IGF1R: variants seen among roughly 807,000 people sequenced by gnomAD.
The protein encoded by IGF1R is insulin like growth factor 1 receptor, also known as insulin-like growth factor 1 receptor.
A neutral mutation model predicts 144.6 loss-of-function variants in IGF1R; 44 were observed. The observed-to-expected ratio is 0.30, with a 90% CI of 0.24 to 0.39. The LOEUF is 0.39. IGF1R is among the 10% of genes least tolerant of loss of function. The pLI is 1.00. For missense variants in IGF1R, 1,355 were observed against 1,833.7 expected (o/e 0.74, Z 4.77); for synonymous variants, 795 against 722.8 (o/e 1.10, Z -1.60).
At chr15:98,919,865 C>T (rs1258823464) in intron 10 of IGF1R, among the ~76,000 whole-genome samples, 2 of 152,062 alleles carry the variant, frequency 1.3e-5, no homozygotes, top group Non-Finnish European at 2.9e-5. Flanking sequence ...GTGGATTGTC[C>T]GAAAATGGAT....
At chr15:98,918,794 G>T (rs189924568) in intron 10 of IGF1R, among the ~76,000 whole-genome samples, 101 of 152,240 alleles carry the variant, frequency 6.6e-4, no homozygotes, top group African/African-American at 2.4e-3. Flanking sequence ...CAGGATAATC[G>T]CTTGAACCCG....
At chr15:98,915,065 C>G (rs1437110774) in intron 8 of IGF1R, among the ~76,000 whole-genome samples, 6 of 152,172 alleles carry the variant, frequency 3.9e-5, no homozygotes, top group African/African-American at 1.4e-4. Context: ...CTTAGGCAAA[C>G]ATATTGCTTA....
chr15:98,664,924 GT>G (rs985916035), intron 1 of IGF1R, among the ~76,000 whole-genome samples: 4 of 143,742 alleles, frequency 2.8e-5, no homozygotes, highest in African/African-American at 7.7e-5. Flanking sequence ...TACATTTGCC[GT>G]TTTTTTTTGA....
intron 2 of IGF1R, among the ~76,000 whole-genome samples, chr15:98,763,690 C>A (rs1386634751): frequency 6.6e-6 from 1 of 152,168 alleles, no homozygotes; most frequent in Non-Finnish European, 1.5e-5. Flanking sequence ...TCCCTTGTTA[C>A]AACTGGGTTA....
chr15:98,847,628 C>T (rs183845646), intron 2 of IGF1R, among the ~76,000 whole-genome samples: 26 of 152,286 alleles, frequency 1.7e-4, no homozygotes, highest in Admixed American at 3.9e-4. Flanking sequence ...TTTTGAAATT[C>T]GATGACATTA....
chr15:98,948,126 C>G (rs1393268853), intron 19 of IGF1R, among the ~76,000 whole-genome samples: 1 of 152,236 alleles, frequency 6.6e-6, no homozygotes, highest in African/African-American at 2.4e-5. Flanking sequence ...TAAAGCTTGA[C>G]TGTCCCAGGC....
Position 98,960,847 on chromosome 15 carries a change from T to C in IGF1R, c.*3405T>C. 1 of 233,826 alleles carries C rather than the reference T, an allele frequency of 4.3e-6. No homozygotes were observed. Among genetic ancestry groups the C allele is most frequent in the Non-Finnish European group, 8.5e-6 (1 of 118,166 alleles). 14.5% of individuals were successfully genotyped at this position (233,826 alleles called of 1,614,324 possible). On this transcript the variant is annotated 3_prime_UTR_variant, in exon 21 of 21. Coordinates refer to ENST00000650285, the MANE Select transcript of IGF1R (RefSeq NM_000875.5). ...CTCCTTCCCTAGGGGTAGACAGAGA[T>C]GTACCAAACCTTCCGGCTGGAAAGC...
Position 98,707,551 on chromosome 15 carries a change from T to C in IGF1R, c.95-11T>C, listed in dbSNP as rs1189140010. 1 of 1,613,946 alleles carries C rather than the reference T, an allele frequency of 6.2e-7. No individual in the cohort carries two copies. The highest frequency in any genetic ancestry group is 8.5e-7 in the Non-Finnish European group (1 of 1,179,876). ...TCTAACTGAGACGTTTACCCTCTTG[T>C]CTCCCTTCAGTCTGCGGGCCAGGCA... On this transcript the variant is annotated splice_polypyrimidine_tract_variant and intron_variant, in intron 1 of 20. Coordinates refer to ENST00000650285, the MANE Select transcript of IGF1R (RefSeq NM_000875.5). This position sits in a 1 kb window ranked among gnomAD's most constrained non-coding sequence, Gnocchi z 6.7.
chr15:98,866,959 G>A (rs1200256225), intron 2 of IGF1R, among the ~76,000 whole-genome samples: 1 of 152,214 alleles, frequency 6.6e-6, no homozygotes, highest in Non-Finnish European at 1.5e-5. Flanking sequence ...GTCTGGCCAA[G>A]CACCATTGCT....
rs902872154 is a variant in IGF1R, at chr15:98,961,866, GTTTC to G, written c.*4427_*4430del. The G allele has an allele frequency of 5.1e-5, 12 of 233,228 alleles. No individual in the cohort carries two copies. Among genetic ancestry groups the G allele is most frequent in the Middle Eastern group, 1.2e-3 (1 of 808 alleles). The allele number at this position is 233,228 out of a possible 1,614,324, so 14.4% of individuals were successfully genotyped here. ...TGGCCGACCTGGCCTCTCCTGGCCT[GTTTC>G]TTAAGATGCGGAGTCACATTTCAAT... On this transcript the variant is annotated 3_prime_UTR_variant, in exon 21 of 21. Transcript: ENST00000650285.
chr15:98,910,170 A>G (rs545762041), intron 6 of IGF1R, among the ~76,000 whole-genome samples: 1 of 152,302 alleles, frequency 6.6e-6, no homozygotes, highest in East Asian at 1.9e-4. Context: ...AGGGCTGAAC[A>G]GCAGGCTGAC....
intron 2 of IGF1R, among the ~76,000 whole-genome samples, chr15:98,887,523 G>C (rs1341087530): frequency 6.6e-6 from 1 of 152,150 alleles, no homozygotes; most frequent in Non-Finnish European, 1.5e-5. Flanking sequence ...AAGGGATTCT[G>C]CAAGTAGATG....
intron 2 of IGF1R, among the ~76,000 whole-genome samples, chr15:98,811,665 G>T (rs1409358924): frequency 6.6e-6 from 1 of 152,006 alleles, no homozygotes; most frequent in Non-Finnish European, 1.5e-5. Flanking sequence ...GGTGGCTGAC[G>T]CCTGTAATCC....
chr15:98,683,096 G>A (rs1487155171), intron 1 of IGF1R, among the ~76,000 whole-genome samples: 1 of 151,392 alleles, frequency 6.6e-6, no homozygotes, highest in Admixed American at 6.6e-5. Context: ...TGGTTATAGG[G>A]ATTCTTTAAG....
intron 2 of IGF1R, among the ~76,000 whole-genome samples, chr15:98,806,390 G>A (rs1024424790): frequency 1.3e-5 from 2 of 152,162 alleles, no homozygotes; most frequent in African/African-American, 4.8e-5. Context: ...GGACAAGTTT[G>A]GGGCCAGCCC....
intron 1 of IGF1R, among the ~76,000 whole-genome samples, chr15:98,686,861 G>A (rs898203262): frequency 5.3e-5 from 8 of 152,020 alleles, no homozygotes; most frequent in Admixed American, 2.0e-4. Flanking sequence ...GTAGAGATGC[G>A]GTCTTGGTAC....
chr15:98,923,606 AAGG>A (rs1246401058), intron 11 of IGF1R, among the ~76,000 whole-genome samples: 1 of 152,168 alleles, frequency 6.6e-6, no homozygotes, highest in East Asian at 1.9e-4. Flanking sequence ...ACTGGGGAGA[AAGG>A]AGGATCTTGT....
At chr15:98,675,510 C>G (rs2053013088) in intron 1 of IGF1R, among the ~76,000 whole-genome samples, 1 of 152,128 alleles carries the variant, frequency 6.6e-6, no homozygotes, top group Admixed American at 6.5e-5. Flanking sequence ...CCATACTCCA[C>G]CAGAATTGAA....
chr15:98,715,268 G>C (rs555840004), intron 2 of IGF1R, among the ~76,000 whole-genome samples: 1 of 152,204 alleles, frequency 6.6e-6, no homozygotes, highest in African/African-American at 2.4e-5. Context: ...TTCTTGGGGC[G>C]TGTGCCTTGT....
Sources: allele counts gnomAD v4.1 joint callset (sites outside exome capture counted in the v4.1 genomes callset), GRCh38; gene constraint gnomAD v4.1.1; non-coding constraint Gnocchi (gnomAD v3.1); transcripts MANE v1.5; gene names NCBI Gene and HGNC (gene_info 2026-07-23, HGNC 2026-07-21).